Variants in LRFN5 observed in about 807,000 individuals in gnomAD.
LRFN5 encodes the protein leucine rich repeat and fibronectin type III domain containing 5.
Under a neutral mutation model 45.6 loss-of-function variants are expected in LRFN5, and 24 were observed. The observed-to-expected ratio is 0.53, with a 90% CI of 0.38 to 0.74. The LOEUF is 0.74. LRFN5 is among the 30% of genes least tolerant of loss of function. The pLI is 0.00. For missense variants in LRFN5, 776 were observed against 861.5 expected (o/e 0.90, Z 1.24); for synonymous variants, 340 against 313.8 (o/e 1.08, Z -0.88).
intron 2 of LRFN5, among the ~76,000 whole-genome samples, chr14:41,813,537 T>C (rs1887811060): frequency 6.6e-6 from 1 of 152,194 alleles, no homozygotes; most frequent in Admixed American, 6.6e-5. Context: ...CTCTTTTTTA[T>C]GGCTGCATAG....
At chr14:41,649,486 T>G (rs1879988971) in intron 1 of LRFN5, among the ~76,000 whole-genome samples, 1 of 152,162 alleles carries the variant, frequency 6.6e-6, no homozygotes, top group African/African-American at 2.4e-5. Context: ...TTACATTTGG[T>G]GACAAAAATT....
chr14:41,766,872 T>A lies in LRFN5; in HGVS notation c.-178T>A, dbSNP rs1252650957. ...TTTGAAGAATCCCTGTAACCATTCA[T>A]CCAGGTGTTGAGAAGATATGTAGCA... On this transcript the variant is annotated 5_prime_UTR_variant, in exon 2 of 6. Coordinates refer to ENST00000298119, the MANE Select transcript of LRFN5 (RefSeq NM_152447.5). 6.6e-6 allele frequency: 1 copy of A among 152,618 alleles called. No homozygotes were observed. Among genetic ancestry groups the A allele is most frequent in the Non-Finnish European group, 1.5e-5 (1 of 68,026 alleles). 9.5% of individuals were successfully genotyped at this position (152,618 alleles called of 1,614,324 possible). A position where few individuals can be genotyped will look rare whatever the true frequency, so the allele number is the denominator to read the frequency against.
intron 2 of LRFN5, among the ~76,000 whole-genome samples, chr14:41,819,552 T>A (rs1054608996): frequency 1.3e-5 from 2 of 152,146 alleles, no homozygotes; most frequent in African/African-American, 4.8e-5. Context: ...TTGGTCACAG[T>A]TCTGCAGACT....
At chr14:41,815,484 T>G (rs1887886242) in intron 2 of LRFN5, among the ~76,000 whole-genome samples, 4 of 152,084 alleles carry the variant, frequency 2.6e-5, no homozygotes. Flanking sequence ...GAATCTATAA[T>G]CACAGTGCTT....
At chr14:41,743,222 C>T (rs1884781384) in intron 1 of LRFN5, among the ~76,000 whole-genome samples, 1 of 152,174 alleles carries the variant, frequency 6.6e-6, no homozygotes, top group Non-Finnish European at 1.5e-5. Context: ...ATGTAGTAGC[C>T]ATTCCTGGTC....
intron 1 of LRFN5, among the ~76,000 whole-genome samples, chr14:41,742,385 T>G (rs1884738581): frequency 6.7e-6 from 1 of 149,718 alleles, no homozygotes; most frequent in South Asian, 2.1e-4. Context: ...GAAATTTTTT[T>G]CATTCACAAC....
intron 2 of LRFN5, among the ~76,000 whole-genome samples, chr14:41,847,699 A>G (rs115115895): frequency 9.2e-4 from 140 of 152,224 alleles, no homozygotes; most frequent in African/African-American, 3.3e-3. Flanking sequence ...TAATTGGTGG[A>G]GGAATATATA....
At chr14:41,801,993 A>T (rs117499014) in intron 2 of LRFN5, among the ~76,000 whole-genome samples, 2,036 of 152,216 alleles carry the variant, frequency 0.013, 20 homozygotes, top group Non-Finnish European at 0.018. Flanking sequence ...GAAATTGAGG[A>T]TGTCTTATGG....
At chr14:41,751,317 C>A (rs1455990565) in intron 1 of LRFN5, among the ~76,000 whole-genome samples, 2 of 151,946 alleles carry the variant, frequency 1.3e-5, no homozygotes, top group Non-Finnish European at 2.9e-5. Context: ...AATTCAAATG[C>A]ACATACTTTT....
intron 1 of LRFN5, among the ~76,000 whole-genome samples, chr14:41,734,827 G>C (rs1884355211): frequency 6.6e-6 from 1 of 151,456 alleles, no homozygotes; most frequent in African/African-American, 2.4e-5. Flanking sequence ...TCTAGTAAGG[G>C]TTTTGCTTGT....
At chr14:41,686,128 C>A (rs966093438) in intron 1 of LRFN5, among the ~76,000 whole-genome samples, 2 of 151,838 alleles carry the variant, frequency 1.3e-5, no homozygotes, top group Non-Finnish European at 2.9e-5. Flanking sequence ...TGTTTGTGTC[C>A]GCTCTTATTT....
chr14:41,639,949 A>ATTTTTTTT (rs34020254), intron 1 of LRFN5, among the ~76,000 whole-genome samples: 3 of 68,038 alleles, frequency 4.4e-5, no homozygotes, highest in African/African-American at 1.1e-4. Flanking sequence ...TGACTGGCTA[A>ATTTTTTTT]TTTTTTTTTT....
chr14:41,609,329 GTTGT>G (rs200210835), intron 1 of LRFN5, among the ~76,000 whole-genome samples: 7 of 151,686 alleles, frequency 4.6e-5, no homozygotes, highest in Non-Finnish European at 8.8e-5. Flanking sequence ...TTTTGTTGTT[GTTGT>G]TTGTTTGTTT....
intron 1 of LRFN5, among the ~76,000 whole-genome samples, chr14:41,703,746 T>G (rs1370273995): frequency 6.6e-6 from 1 of 152,114 alleles, no homozygotes; most frequent in Non-Finnish European, 1.5e-5. Flanking sequence ...ATCAGCACAT[T>G]TGCCTTCAAA....
At chr14:41,839,253 T>C (rs1261693304) in intron 2 of LRFN5, among the ~76,000 whole-genome samples, 1 of 152,176 alleles carries the variant, frequency 6.6e-6, no homozygotes, top group Non-Finnish European at 1.5e-5. Context: ...TGAACAAATT[T>C]ACTGAATACT....
chr14:41,746,117 A>C (rs1884908323), intron 1 of LRFN5, among the ~76,000 whole-genome samples: 1 of 152,016 alleles, frequency 6.6e-6, no homozygotes, highest in Non-Finnish European at 1.5e-5. Flanking sequence ...AATACTAGCC[A>C]ACTGAATTCA....
rs1594709332 is a variant in LRFN5, at chr14:41,787,715, T to G, written c.-21+20686T>G. On this transcript the variant is annotated intron_variant, in intron 2 of 5. Coordinates refer to ENST00000298119, the MANE Select transcript of LRFN5 (RefSeq NM_152447.5). ...TTTTTTCATTACGGGAATATAACTT[T>G]TTTTTCCTATTGCTATTTGTATTTT... is the stretch of plus-strand genomic sequence containing the variant. Among the ~76,000 whole-genome samples, 3 of 152,164 alleles carry G rather than the reference T, an allele frequency of 2.0e-5. No individual in the cohort carries two copies. In the Middle Eastern group the frequency reaches 0.01, roughly 518 times the overall value.
intron 2 of LRFN5, among the ~76,000 whole-genome samples, chr14:41,870,005 A>G (rs767900603): frequency 1.3e-5 from 2 of 152,184 alleles, no homozygotes; most frequent in Non-Finnish European, 2.9e-5. Flanking sequence ...TGAAATGAAT[A>G]AAGACTGAGG....
At chr14:41,823,806 C>T (rs1048481480) in intron 2 of LRFN5, among the ~76,000 whole-genome samples, 1 of 152,108 alleles carries the variant, frequency 6.6e-6, no homozygotes, top group African/African-American at 2.4e-5. Context: ...CAGAAATACC[C>T]ATGACTCATA....
Sources: allele counts gnomAD v4.1 joint callset (sites outside exome capture counted in the v4.1 genomes callset), GRCh38; gene constraint gnomAD v4.1.1; transcripts MANE v1.5; gene names NCBI Gene and HGNC (gene_info 2026-07-23, HGNC 2026-07-21).